CYP3A5: variants seen among roughly 807,000 people sequenced by gnomAD.
The protein encoded by CYP3A5 is cytochrome P450 3A5.
Under a neutral mutation model 55.9 loss-of-function variants are expected in CYP3A5, and 51 were observed. That is an observed-to-expected ratio of 0.91 (90% CI 0.73 to 1.15). CYP3A5 has a LOEUF of 1.15. Among genes scored for constraint, CYP3A5 ranks in the 50% most tolerant of loss-of-function variants. CYP3A5 has a pLI of 0.00. For missense variants in CYP3A5, 533 were observed against 596.6 expected (o/e 0.89, Z 1.11); for synonymous variants, 196 against 213.9 (o/e 0.92, Z 0.73).
At chr7:99,649,383 A>C (rs1421144277) in intron 12 of CYP3A5, among the ~76,000 whole-genome samples, 10 of 152,224 alleles carry the variant, frequency 6.6e-5, no homozygotes, top group Non-Finnish European at 4.4e-5. Context: ...CTTAATATGA[A>C]TCAATGACAT....
chr7:99,664,006 T>C lies in CYP3A5; in HGVS notation c.760A>G (p.Asn254Asp). 1 of 1,597,034 alleles carries C rather than the reference T, an allele frequency of 6.3e-7. No homozygotes were observed. Among genetic ancestry groups the C allele is most frequent in the African/African-American group, 1.4e-5 (1 of 73,882 alleles). Residue 254 changes from asparagine (N) to aspartate (D), a missense_variant, in exon 8 of 13, where the codon AAC (asparagine) becomes GAC (aspartate). Coordinates refer to ENST00000222982, the MANE Select transcript of CYP3A5 (RefSeq NM_000777.5). ...TTGAGGCGACTTTTCTTCATTCTGT[T>C]TACAGATTTACTTAAAAAATTTATG... ...DTINFLSKSVNRMKKSRLNDK... is the reference protein window; with the variant it reads ...DTINFLSKSVDRMKKSRLNDK...
intron 1 of CYP3A5, 105 bp from the exon 2 acceptor site, chr7:99,676,313 G>A (rs1563004465): frequency 3.2e-6 from 5 of 1,577,034 alleles, no homozygotes; most frequent in Non-Finnish European, 4.3e-6. Context: ...GAGGTAATAT[G>A]TACACGATAA....
chr7:99,663,598 T>G (rs547849392), intron 8 of CYP3A5: 4 of 997,996 alleles, frequency 4.0e-6, no homozygotes, highest in Non-Finnish European at 4.8e-6. Flanking sequence ...GTCTTGGACT[T>G]AAAATGATTC....
chr7:99,655,403 C>A (rs1448210512), intron 10 of CYP3A5, among the ~76,000 whole-genome samples: 6 of 152,226 alleles, frequency 3.9e-5, no homozygotes, highest in Middle Eastern at 6.8e-3. Flanking sequence ...ATGTGGCATT[C>A]TTTCTCAGGG....
In CYP3A5 at chr7:99,653,450, CAAATAAATAAATAAAT is replaced by C; in HGVS notation, c.1027-687_1027-672del. Among the ~76,000 whole-genome samples the C allele has an allele frequency of 6.9e-6, 1 of 145,494 alleles. No homozygotes were observed. The highest frequency in any genetic ancestry group is 2.0e-4 in the East Asian group (1 of 4,974). On this transcript the variant is annotated intron_variant, in intron 10 of 12. Coordinates refer to ENST00000222982, the MANE Select transcript of CYP3A5 (RefSeq NM_000777.5). This position sits in a 1 kb window ranked among gnomAD's most constrained non-coding sequence, Gnocchi z 4.2. ...TGGGTCGTAGAGTCAGACCCTGTCT[CAAATAAATAAATAAAT>C]AAATAAATAAATAAATAAATTTGTG...
At position 99,662,923 on chromosome 7, in the gene CYP3A5, C is replaced by A; in HGVS notation, c.799-41G>T. On this transcript the variant is annotated intron_variant, in intron 8 of 12. Transcript: ENST00000222982. The surrounding 1 kb of genome is among the most constrained non-coding windows in gnomAD (Gnocchi z 4.3). ...GAGATTTCTTTGGCAGAAAGTGACT[C>A]GTGAAGTCAGAAGTAAATCAAAAGT... is the stretch of plus-strand genomic sequence containing the variant. The A allele has an allele frequency of 6.2e-7, 1 of 1,610,928 alleles. No homozygotes were observed. Among genetic ancestry groups the A allele is most frequent in the South Asian group, 1.1e-5 (1 of 90,890 alleles).
At chr7:99,673,569 A>G (rs1466105491) in intron 3 of CYP3A5, among the ~76,000 whole-genome samples, 3 of 152,258 alleles carry the variant, frequency 2.0e-5, no homozygotes, top group Non-Finnish European at 4.4e-5. Flanking sequence ...AAAAAATTCC[A>G]TACTTGCAGA....
rs1810721862 is a variant in CYP3A5 at position 99,664,069 on chromosome 7, A to C, written c.697T>G (p.Phe233Val). Residue 233 changes from phenylalanine (F) to valine (V), a missense_variant, in exon 8 of 13, where the codon TTT becomes GTT. Physicochemically the swap from Phe to Val is conservative, Grantham distance 50 (BLOSUM62 -1). Coordinates refer to ENST00000222982, the MANE Select transcript of CYP3A5 (RefSeq NM_000777.5). ...IILFPFLTPV[F>V]EALNVSLFPK... Reference sequence around the variant, plus strand: ...AACAGAGAGACATTTAATGCTTCAAAAACTGGGGTAAGGAATGGAAAGAGT... The same window carrying C: ...AACAGAGAGACATTTAATGCTTCAACAACTGGGGTAAGGAATGGAAAGAGT... 6.3e-7 allele frequency: 1 copy of C among 1,593,144 alleles called. No homozygotes were observed. Among genetic ancestry groups the C allele is most frequent in the Non-Finnish European group, 8.5e-7 (1 of 1,175,306 alleles).
chr7:99,660,244 T>TAA, intron 10 of CYP3A5: 1 of 912,464 alleles, frequency 1.1e-6, no homozygotes, highest in Non-Finnish European at 1.3e-6. Flanking sequence ...TTTTTTTTTT[T>TAA]TACTTAGCAT....
At chr7:99,668,010 G>T (rs1379797495) in intron 4 of CYP3A5, among the ~76,000 whole-genome samples, 1 of 152,142 alleles carries the variant, frequency 6.6e-6, no homozygotes, top group African/African-American at 2.4e-5. Context: ...CTATTTTCAG[G>T]TGACATAATT....
chr7:99,663,242 T>C, intron 8 of CYP3A5: 1 of 1,050,536 alleles, frequency 9.5e-7, no homozygotes, highest in Non-Finnish European at 1.1e-6. Context: ...TTCTTCTACC[T>C]TTTTCTTCAG....
chr7:99,651,868 C>T (rs1254547273), intron 11 of CYP3A5, among the ~76,000 whole-genome samples: 9 of 152,154 alleles, frequency 5.9e-5, no homozygotes, highest in Admixed American at 5.9e-4. Flanking sequence ...GGAGCTGGCA[C>T]AGGACTGCAG....
intron 4 of CYP3A5, among the ~76,000 whole-genome samples, chr7:99,668,485 A>G (rs1168260576): frequency 6.6e-6 from 1 of 151,956 alleles, no homozygotes; most frequent in Non-Finnish European, 1.5e-5. Context: ...TTTTTTTGCA[A>G]TTTTTTTTGT....
At position 99,662,055 on chromosome 7, in the gene CYP3A5, A is replaced by T. The variant is rs950770502; in HGVS notation, c.865+761T>A. Among the ~76,000 whole-genome samples the T allele has an allele frequency of 6.6e-6, 1 of 152,234 alleles. No individual in the cohort carries two copies. The highest frequency in any genetic ancestry group is 1.5e-5 in the Non-Finnish European group (1 of 68,044). On this transcript the variant is annotated intron_variant, in intron 9 of 12. Coordinates refer to ENST00000222982, the MANE Select transcript of CYP3A5 (RefSeq NM_000777.5). The surrounding 1 kb of genome is among the most constrained non-coding windows in gnomAD (Gnocchi z 4.3). ...GTTGAGATAGATAGATGATTAATTGATAAATTATAGGCAGATAGATGATTG... is the reference window on the plus strand; with the variant it reads ...GTTGAGATAGATAGATGATTAATTGTTAAATTATAGGCAGATAGATGATTG...
At position 99,662,194 on chromosome 7, in the gene CYP3A5, G is replaced by A. The variant is rs10252115; in HGVS notation, c.865+622C>T. ...CAATTGTTAAATATTCAAAAATTTT[G>A]TGAGATGGTTGCCAAATCTTGGTAG... On this transcript the variant is annotated intron_variant, in intron 9 of 12. Transcript: ENST00000222982. This position sits in a 1 kb window ranked among gnomAD's most constrained non-coding sequence, Gnocchi z 4.3. Among the ~76,000 whole-genome samples, 4,553 of 152,276 alleles carry A rather than the reference G, an allele frequency of 0.03. 231 individuals are homozygous for A. The highest frequency in any genetic ancestry group is 0.1 in the African/African-American group (4,313 of 41,548).
rs755819922 is a variant in CYP3A5, at chr7:99,662,902, T to C, written c.799-20A>G. The C allele has an allele frequency of 2.5e-6, 4 of 1,613,288 alleles. No individual in the cohort carries two copies. Among genetic ancestry groups the C allele is most frequent in the Non-Finnish European group, 3.4e-6 (4 of 1,179,500 alleles). ...TCGGTGCTAGAAGCAAAAGGAGAGA[T>C]TTCTTTGGCAGAAAGTGACTCGTGA... On this transcript the variant is annotated intron_variant, in intron 8 of 12. Coordinates refer to ENST00000222982, the MANE Select transcript of CYP3A5 (RefSeq NM_000777.5). The surrounding 1 kb of genome is among the most constrained non-coding windows in gnomAD (Gnocchi z 4.3).
intron 10 of CYP3A5, among the ~76,000 whole-genome samples, chr7:99,657,783 T>C (rs996226422): frequency 1.3e-5 from 2 of 152,216 alleles, no homozygotes; most frequent in Non-Finnish European, 2.9e-5. Flanking sequence ...TGGGTGCATA[T>C]ATATTTAGGA....
At position 99,679,970 on chromosome 7, in the gene CYP3A5, G is replaced by T; in HGVS notation, c.-74C>A. On this transcript the variant is annotated 5_prime_UTR_variant, in exon 1 of 13. Coordinates refer to ENST00000222982, the MANE Select transcript of CYP3A5 (RefSeq NM_000777.5). Reference sequence around the variant, plus strand: ...AGTGCTGCTGTTTGCTGGGCTGTTTGCCTGGAGCTTCCCTGCCCTGCACAG... The same window carrying T: ...AGTGCTGCTGTTTGCTGGGCTGTTTTCCTGGAGCTTCCCTGCCCTGCACAG... 7.5e-7 allele frequency: 1 copy of T among 1,336,128 alleles called. No individual in the cohort carries two copies. Among genetic ancestry groups the T allele is most frequent in the Non-Finnish European group, 1.1e-6 (1 of 927,252 alleles). 82.8% of individuals were successfully genotyped at this position (1,336,128 alleles called of 1,614,324 possible). A position where few individuals can be genotyped will look rare whatever the true frequency, so the allele number is the denominator to read the frequency against.
In CYP3A5 at chr7:99,677,976, C is replaced by G. The variant is rs551256855; in HGVS notation, c.72-1768G>C. Among the ~76,000 whole-genome samples the G allele has an allele frequency of 5.9e-5, 9 of 152,356 alleles. No homozygotes were observed. The South Asian group carries it at 1.9e-3, about 32-fold the overall frequency. On this transcript the variant is annotated intron_variant, in intron 1 of 12. Coordinates refer to ENST00000222982, the MANE Select transcript of CYP3A5 (RefSeq NM_000777.5). ...CTGTGCTGGGCGAACTCTTTAGTTTCTTTCCAGCTCCCCTCTGGTAGAGTA... is the reference window on the plus strand; with the variant it reads ...CTGTGCTGGGCGAACTCTTTAGTTTGTTTCCAGCTCCCCTCTGGTAGAGTA...
Sources: gnomAD v4.1 joint callset for allele counts (sites outside exome capture counted in the v4.1 genomes callset) on GRCh38, gnomAD v4.1.1 for gene constraint, Gnocchi (gnomAD v3.1) non-coding constraint, MANE v1.5 for transcripts, NCBI Gene and HGNC (gene_info 2026-07-23, HGNC 2026-07-21) for gene names.